ADCY5: variants seen among roughly 807,000 people sequenced by gnomAD.
ADCY5 encodes adenylate cyclase type 5.
In ADCY5, 30 loss-of-function variants were observed where a neutral mutation model predicts 119.7. The ratio of observed to expected loss-of-function variants is 0.25; its 90% CI spans 0.19 to 0.34. The LOEUF (loss-of-function observed/expected upper bound fraction) is 0.34, where lower values mean the gene tolerates loss of function less well. ADCY5 is among the 10% of genes least tolerant of loss of function. The probability of loss-of-function intolerance (pLI) is 1.00; values close to 1 mark genes in which losing one functional copy is unlikely to be tolerated. For synonymous variants in ADCY5, 753 were observed against 762.2 expected, an observed-to-expected ratio of 0.99 and a Z score of 0.20; for missense variants, 1,324 against 1,775.2, an observed-to-expected ratio of 0.75 and a Z score of 4.57.
chr3:123,414,132 A>G (rs1408157028), intron 1 of ADCY5, among the ~76,000 whole-genome samples: 1 of 152,140 alleles, frequency 6.6e-6, no homozygotes, highest in East Asian at 1.9e-4. Flanking sequence ...TCAATGAAGA[A>G]TGACTTTGGG....
chr3:123,330,515 G>T, intron 5 of ADCY5, among the ~76,000 whole-genome samples: 1 of 152,230 alleles, frequency 6.6e-6, no homozygotes, highest in African/African-American at 2.4e-5. Flanking sequence ...CTGGGAAGAA[G>T]TGGAACCAGC....
chr3:123,308,463 C>T (rs569943090), intron 12 of ADCY5, among the ~76,000 whole-genome samples: 1 of 152,300 alleles, frequency 6.6e-6, no homozygotes, highest in Non-Finnish European at 1.5e-5. Context: ...TAAAGAGTGT[C>T]TCATCTCCTA....
chr3:123,398,025 G>C (rs1304279077), intron 1 of ADCY5, among the ~76,000 whole-genome samples: 1 of 152,196 alleles, frequency 6.6e-6, no homozygotes, highest in African/African-American at 2.4e-5. Flanking sequence ...CACTGACAAA[G>C]CTGCTCGCGG....
chr3:123,396,291 G>A (rs1944561485), intron 1 of ADCY5, among the ~76,000 whole-genome samples: 1 of 141,494 alleles, frequency 7.1e-6, no homozygotes, highest in Non-Finnish European at 1.5e-5. Context: ...GAGGGAAAGA[G>A]GGAAAATAAG....
chr3:123,291,855 G>A (rs577557813), intron 17 of ADCY5, among the ~76,000 whole-genome samples: 1 of 152,270 alleles, frequency 6.6e-6, no homozygotes, highest in East Asian at 1.9e-4. Flanking sequence ...ACGGACCTGT[G>A]GGGGAAAACA....
At chr3:123,327,160 A>G (rs923330008) in intron 7 of ADCY5, among the ~76,000 whole-genome samples, 1 of 152,230 alleles carries the variant, frequency 6.6e-6, no homozygotes, top group Non-Finnish European at 1.5e-5. Flanking sequence ...AGGGGGAAAA[A>G]GAAACAGACT....
At chr3:123,430,734 C>T (rs972559703) in intron 1 of ADCY5, among the ~76,000 whole-genome samples, 29 of 152,206 alleles carry the variant, frequency 1.9e-4, no homozygotes, top group Admixed American at 2.0e-4. Context: ...CTGAGGACAT[C>T]TCCCTGTCCT....
chr3:123,402,319 A>G (rs537106164), intron 1 of ADCY5, among the ~76,000 whole-genome samples: 12 of 152,384 alleles, frequency 7.9e-5, no homozygotes, highest in South Asian at 2.1e-4. Flanking sequence ...TGCCTGGAGC[A>G]GACCCAGAGG....
chr3:123,297,413 G>T, intron 15 of ADCY5, 31 bp from the exon 16 acceptor site: 1 of 1,612,580 alleles, frequency 6.2e-7, no homozygotes, highest in Admixed American at 1.7e-5. Context: ...GACTGGTCAG[G>T]GCCACCCTTC....
In ADCY5 at chr3:123,303,227, G is replaced by T; in HGVS notation, c.2560-8C>A. On this transcript the variant is annotated splice_region_variant and splice_polypyrimidine_tract_variant and intron_variant, in intron 13 of 20. Transcript: ENST00000462833. The stretch of plus-strand genomic sequence containing the variant: ...CCTGGAGTTGCACGTGAACTGGGGG[G>T]AGGAAGGAGGGTGATGAGGGGAGGG... 1.2e-6 allele frequency: 2 copies of T among 1,611,184 alleles called. No individual in the cohort carries two copies. Among genetic ancestry groups the T allele is most frequent in the Non-Finnish European group, 8.5e-7 (1 of 1,178,092 alleles).
At chr3:123,429,573 C>T (rs1039954259) in intron 1 of ADCY5, among the ~76,000 whole-genome samples, 1 of 152,132 alleles carries the variant, frequency 6.6e-6, no homozygotes, top group African/African-American at 2.4e-5. Context: ...CACTCGGGGC[C>T]TGGAGTTCAC....
intron 1 of ADCY5, among the ~76,000 whole-genome samples, chr3:123,443,996 G>A (rs1364682478): frequency 2.6e-5 from 4 of 152,120 alleles, no homozygotes; most frequent in East Asian, 1.9e-4. Context: ...CAAAATAATC[G>A]TTAATAGCTA....
intron 19 of ADCY5, among the ~76,000 whole-genome samples, chr3:123,287,956 G>A (rs1283490459): frequency 1.3e-5 from 2 of 152,206 alleles, no homozygotes; most frequent in African/African-American, 4.8e-5. Flanking sequence ...GGAGAAAAAT[G>A]CAAACCAAAG....
Position 123,311,302 on chromosome 3 carries a change from A to G in ADCY5, c.2442+2933T>C, listed in dbSNP as rs184807101. On this transcript the variant is annotated intron_variant, in intron 12 of 20. Coordinates refer to ENST00000462833, the MANE Select transcript of ADCY5 (RefSeq NM_183357.3). ...ACACTGCAGGCTAGTCAGCTTTGTG[A>G]CAGCACCTGCAAAGGTGAGAAAATG... Among the ~76,000 whole-genome samples the G allele has an allele frequency of 2.3e-3, 344 of 152,364 alleles. 2 individuals are homozygous for G. Among genetic ancestry groups the G allele is most frequent in the African/African-American group, 7.6e-3 (317 of 41,586 alleles).
rs1000865330 is a variant in ADCY5, at chr3:123,352,168, C to T, written c.1284+264G>A. Among the ~76,000 whole-genome samples, 1 of 152,100 alleles carries T rather than the reference C, an allele frequency of 6.6e-6. No individual in the cohort carries two copies. The highest frequency in any genetic ancestry group is 6.5e-5 in the Admixed American group (1 of 15,272). ...GGGGAGGGAGAGAGGGACCCTCTGG[C>T]TGCTGGGCTTGTTTGCAAACCACAG... On this transcript the variant is annotated intron_variant, in intron 2 of 20. Coordinates refer to ENST00000462833, the MANE Select transcript of ADCY5 (RefSeq NM_183357.3). This position sits in a 1 kb window ranked among gnomAD's most constrained non-coding sequence, Gnocchi z 4.8.
chr3:123,378,703 A>T (rs1367338200), intron 1 of ADCY5, among the ~76,000 whole-genome samples: 1 of 152,228 alleles, frequency 6.6e-6, no homozygotes, highest in African/African-American at 2.4e-5. Context: ...GAGATGTGGA[A>T]GGACTGGCAT....
chr3:123,335,595 C>T (rs905649639), intron 3 of ADCY5, among the ~76,000 whole-genome samples: 9 of 152,192 alleles, frequency 5.9e-5, no homozygotes, highest in Non-Finnish European at 8.8e-5. Flanking sequence ...ATCCAACACC[C>T]TGGCACTGTG....
intron 1 of ADCY5, among the ~76,000 whole-genome samples, chr3:123,386,788 C>T (rs1436537994): frequency 2.0e-5 from 3 of 152,164 alleles, no homozygotes; most frequent in African/African-American, 7.2e-5. Flanking sequence ...GCGCCCCCGA[C>T]CCCACCCCGT....
chr3:123,409,863 AGTT>A (rs767088379), intron 1 of ADCY5, among the ~76,000 whole-genome samples: 2 of 152,226 alleles, frequency 1.3e-5, no homozygotes, highest in Non-Finnish European at 2.9e-5. Flanking sequence ...GAGCTGAGAA[AGTT>A]CCCTGTGGTT....
Sources: gnomAD v4.1 joint callset for allele counts (sites outside exome capture counted in the v4.1 genomes callset) on GRCh38, gnomAD v4.1.1 for gene constraint, Gnocchi (gnomAD v3.1) non-coding constraint, MANE v1.5 for transcripts, NCBI Gene and HGNC (gene_info 2026-07-23, HGNC 2026-07-21) for gene names.